GRIK3: variants seen among roughly 807,000 people sequenced by gnomAD.
GRIK3 encodes glutamate ionotropic receptor kainate type subunit 3, also known as glutamate receptor ionotropic, kainate 3.
A neutral mutation model predicts 102.5 loss-of-function variants in GRIK3; 29 were observed. The observed-to-expected ratio is 0.28, with a 90% CI of 0.21 to 0.39. GRIK3 has a LOEUF of 0.39. Ranked by LOEUF, GRIK3 falls within the 10% of genes least tolerant of loss-of-function variation. GRIK3 has a pLI of 1.00. For synonymous variants in GRIK3, 511 were observed against 504.9 expected, an observed-to-expected ratio of 1.01 and a Z score of -0.16; for missense variants, 908 against 1,252.4, an observed-to-expected ratio of 0.73 and a Z score of 4.15.
intron 1 of GRIK3, among the ~76,000 whole-genome samples, chr1:36,955,297 T>C (rs1570820560): frequency 1.3e-5 from 2 of 151,858 alleles, no homozygotes; most frequent in African/African-American, 4.8e-5. Flanking sequence ...TGTGGGGCGG[T>C]GGGGTACAGG....
intron 1 of GRIK3, among the ~76,000 whole-genome samples, chr1:36,931,154 T>C (rs1641584570): frequency 6.6e-6 from 1 of 152,194 alleles, no homozygotes; most frequent in African/African-American, 2.4e-5. Context: ...GCAAGTTCTT[T>C]CTCTGTAAAG....
chr1:36,955,904 T>A (rs1482873199), intron 1 of GRIK3, among the ~76,000 whole-genome samples: 1 of 152,268 alleles, frequency 6.6e-6, no homozygotes, highest in Non-Finnish European at 1.5e-5. Context: ...TGGCCAGCCA[T>A]GGCCTGTGGC....
At chr1:36,929,734 AAC>A (rs1641567534) in intron 1 of GRIK3, among the ~76,000 whole-genome samples, 1 of 152,234 alleles carries the variant, frequency 6.6e-6, no homozygotes, top group Non-Finnish European at 1.5e-5. Context: ...ATTGTTGTGT[AAC>A]AAATTGTTCC....
At chr1:36,917,085 G>C (rs766320567) in intron 1 of GRIK3, among the ~76,000 whole-genome samples, 5 of 152,218 alleles carry the variant, frequency 3.3e-5, no homozygotes, top group Non-Finnish European at 5.9e-5. Context: ...TCTTGCATCA[G>C]TGTGATCTGT....
chr1:36,897,975 A>G (rs905166051), intron 1 of GRIK3, among the ~76,000 whole-genome samples: 1 of 152,158 alleles, frequency 6.6e-6, no homozygotes, highest in Admixed American at 6.5e-5. Context: ...AAAGAATGAG[A>G]TCATCTCATT....
At chr1:37,016,827 G>T (rs1170469753) in intron 1 of GRIK3, among the ~76,000 whole-genome samples, 1 of 152,044 alleles carries the variant, frequency 6.6e-6, no homozygotes, top group South Asian at 2.1e-4. Flanking sequence ...AATGATGAGG[G>T]TGTGGAAGGG....
At chr1:36,982,385 G>A (rs1168644667) in intron 1 of GRIK3, among the ~76,000 whole-genome samples, 1 of 152,236 alleles carries the variant, frequency 6.6e-6, no homozygotes, top group African/African-American at 2.4e-5. Flanking sequence ...GAGGAGCTGG[G>A]AGGACACGAG....
rs535104528 is a variant in GRIK3 at position 36,859,231 on chromosome 1, G to A, written c.981C>T (p.Tyr327=). 17 of 1,612,002 alleles carry A rather than the reference G, an allele frequency of 1.1e-5. No individual in the cohort carries two copies. The highest frequency in any genetic ancestry group is 1.7e-4 in the Middle Eastern group (1 of 6,052). The change falls in exon 7 of 16, where the codon TAC becomes TAT. Residue 327 remains tyrosine (Y), a synonymous_variant. Coordinates refer to ENST00000373091, the MANE Select transcript of GRIK3 (RefSeq NM_000831.4). ...GVMMTDAALL[Y]DAVHIVSVCY... ...ACACGGACACGATATGGACGGCGTCGTACAGTAAGGCTGCATCAGTCTGCA... is the reference window on the plus strand; with the variant it reads ...ACACGGACACGATATGGACGGCGTCATACAGTAAGGCTGCATCAGTCTGCA...
chr1:36,879,984 G>T (rs912601499), intron 3 of GRIK3, among the ~76,000 whole-genome samples: 7 of 152,214 alleles, frequency 4.6e-5, no homozygotes, highest in Non-Finnish European at 8.8e-5. Flanking sequence ...CTGTGTGTGA[G>T]TGTGGGTAGA....
chr1:36,932,729 T>C (rs548991228), intron 1 of GRIK3, among the ~76,000 whole-genome samples: 2 of 152,352 alleles, frequency 1.3e-5, no homozygotes, highest in East Asian at 3.9e-4. Flanking sequence ...TCTTCTTTCA[T>C]TCTCTACATT....
In GRIK3 at chr1:36,891,187, G is replaced by T. The variant is rs945550670; in HGVS notation, c.116-91C>A. On this transcript the variant is annotated intron_variant, in intron 1 of 15. Coordinates refer to ENST00000373091, the MANE Select transcript of GRIK3 (RefSeq NM_000831.4). ...GCTCAAAAGATTTTATAGACAAGTTGCCTGCTCCCTGAAATGTTCAATAAT... is the reference window on the plus strand; with the variant it reads ...GCTCAAAAGATTTTATAGACAAGTTTCCTGCTCCCTGAAATGTTCAATAAT... The T allele has an allele frequency of 6.4e-6, 6 of 933,578 alleles. No individual in the cohort carries two copies. In the African/African-American group the frequency reaches 8.2e-5, roughly 13 times the overall value. 57.8% of individuals were successfully genotyped at this position (933,578 alleles called of 1,614,324 possible).
chr1:37,009,245 A>G (rs1049784672), intron 1 of GRIK3, among the ~76,000 whole-genome samples: 1 of 152,246 alleles, frequency 6.6e-6, no homozygotes, highest in African/African-American at 2.4e-5. Flanking sequence ...TAATTTCAGA[A>G]TGAGTGGGAA....
intron 10 of GRIK3, 31 bp from the exon 11 acceptor site, chr1:36,825,857 T>A: frequency 6.7e-7 from 1 of 1,491,196 alleles, no homozygotes; most frequent in Non-Finnish European, 9.2e-7. Flanking sequence ...AAAGACAGAC[T>A]ATGAGCAAAG....
chr1:36,810,563 G>A (rs573369544), intron 13 of GRIK3, among the ~76,000 whole-genome samples: 30 of 152,314 alleles, frequency 2.0e-4, no homozygotes, highest in African/African-American at 7.2e-4. Flanking sequence ...CTGTACAAGA[G>A]AATGTATGTA....
At chr1:36,933,915 G>GC (rs1007147465) in intron 1 of GRIK3, among the ~76,000 whole-genome samples, 4 of 152,030 alleles carry the variant, frequency 2.6e-5, no homozygotes, top group African/African-American at 9.7e-5. Flanking sequence ...TGAGCATCTC[G>GC]CCCCCCACCA....
intron 15 of GRIK3, 123 bp from the exon 16 acceptor site, chr1:36,802,168 C>A (rs931556797): frequency 4.7e-6 from 3 of 639,136 alleles, no homozygotes; most frequent in Non-Finnish European, 8.0e-6. Flanking sequence ...CTTTCTCACA[C>A]CTTCACCCCA....
intron 9 of GRIK3, among the ~76,000 whole-genome samples, chr1:36,848,913 G>A (rs1366026529): frequency 6.6e-6 from 1 of 151,250 alleles, no homozygotes. Context: ...GAGGTTTTAG[G>A]GAAGAAGATA....
At chr1:36,983,529 G>A (rs1041101798) in intron 1 of GRIK3, among the ~76,000 whole-genome samples, 3 of 152,050 alleles carry the variant, frequency 2.0e-5, no homozygotes, top group Admixed American at 2.0e-4. Context: ...ACCCTAGGAG[G>A]TAGGGGCCAT....
At chr1:36,854,450 C>T (rs532948083) in intron 7 of GRIK3, among the ~76,000 whole-genome samples, 10 of 152,224 alleles carry the variant, frequency 6.6e-5, no homozygotes, top group East Asian at 1.9e-4. Flanking sequence ...TCGTCATTAG[C>T]GTCATTAATA....
Sources: allele counts gnomAD v4.1 joint callset (sites outside exome capture counted in the v4.1 genomes callset), GRCh38; gene constraint gnomAD v4.1.1; transcripts MANE v1.5; gene names NCBI Gene and HGNC (gene_info 2026-07-23, HGNC 2026-07-21).